Variants in ANKIB1 observed in about 807,000 individuals in gnomAD.
The protein encoded by ANKIB1 is ankyrin repeat and IBR domain-containing protein 1.
In ANKIB1, 43 loss-of-function variants were observed where a neutral mutation model predicts 122.1. The ratio of observed to expected loss-of-function variants is 0.35; its 90% CI spans 0.28 to 0.45. ANKIB1 has a LOEUF of 0.45. Among genes scored for constraint, ANKIB1 ranks in the 20% least tolerant of loss-of-function variants. The pLI is 1.00. For synonymous variants in ANKIB1, 390 were observed against 442.0 expected (o/e 0.88, Z 1.48); for missense variants, 992 against 1,329.5 (o/e 0.75, Z 3.95).
intron 11 of ANKIB1, among the ~76,000 whole-genome samples, chr7:92,377,906 C>A (rs914442540): frequency 6.6e-6 from 1 of 151,586 alleles, no homozygotes; most frequent in Admixed American, 6.6e-5. Flanking sequence ...CTTTAAGGGG[C>A]CGGTAATTCT....
At position 92,397,759 on chromosome 7, in the gene ANKIB1, G is replaced by A. The variant is rs1414222494; in HGVS notation, c.2432G>A (p.Gly811Asp). ...PEGGSSSRRP[G>D]TSVVSSASMS... is the part of the protein sequence containing the mutation. ...GGCGGCAGCAGCAGCCGCAGGCCTGGCACATCCGTGGTAAGTTCTGCATCT... is the reference window on the plus strand; with the variant it reads ...GGCGGCAGCAGCAGCCGCAGGCCTGACACATCCGTGGTAAGTTCTGCATCT... Residue 811 changes from glycine to aspartate, a missense_variant, in exon 19 of 20, where the codon GGC becomes GAC. By Grantham distance (94) the Gly-to-Asp change is moderately conservative (BLOSUM62 -1). Coordinates refer to ENST00000265742, the MANE Select transcript of ANKIB1 (RefSeq NM_019004.2). 2 of 1,611,574 alleles carry A rather than the reference G, an allele frequency of 1.2e-6. No homozygotes were observed. The highest frequency in any genetic ancestry group is 1.7e-5 in the Admixed American group (1 of 59,560).
chr7:92,290,874 G>A (rs570186129), intron 1 of ANKIB1, among the ~76,000 whole-genome samples: 4 of 152,240 alleles, frequency 2.6e-5, no homozygotes, highest in African/African-American at 2.4e-5. Context: ...GGCTGGGAAG[G>A]GTTGTTGTGG....
At chr7:92,275,076 T>A (rs1172389690) in intron 1 of ANKIB1, among the ~76,000 whole-genome samples, 1 of 152,258 alleles carries the variant, frequency 6.6e-6, no homozygotes, top group Admixed American at 6.5e-5. Context: ...AGGTTTGACC[T>A]TTGCTTACTC....
At chr7:92,365,085 T>C (rs2115614886) in intron 10 of ANKIB1, among the ~76,000 whole-genome samples, 1 of 152,350 alleles carries the variant, frequency 6.6e-6, no homozygotes, top group African/African-American at 2.4e-5. Context: ...TTATCTTCAT[T>C]ATTTAATTAA....
intron 3 of ANKIB1, among the ~76,000 whole-genome samples, chr7:92,312,102 A>G (rs993695119): frequency 1.3e-5 from 2 of 152,042 alleles, no homozygotes; most frequent in Non-Finnish European, 2.9e-5. Flanking sequence ...TCAAACTCAT[A>G]CTACCCATGG....
At chr7:92,276,862 T>G (rs1245551836) in intron 1 of ANKIB1, among the ~76,000 whole-genome samples, 2 of 152,208 alleles carry the variant, frequency 1.3e-5, no homozygotes, top group African/African-American at 4.8e-5. Context: ...TTTGGATCTG[T>G]GTCTCTACCA....
intron 1 of ANKIB1, among the ~76,000 whole-genome samples, chr7:92,256,412 T>C (rs1454070347): frequency 6.6e-6 from 1 of 152,224 alleles, no homozygotes; most frequent in Non-Finnish European, 1.5e-5. Context: ...TTAAGGAGTT[T>C]ATCTAATACA....
In ANKIB1 at chr7:92,387,856, G is replaced by C. The variant is rs765634664; in HGVS notation, c.1811G>C (p.Arg604Thr). 1 of 1,612,686 alleles carries C rather than the reference G, an allele frequency of 6.2e-7. No homozygotes were observed. The highest frequency in any genetic ancestry group is 8.5e-7 in the Non-Finnish European group (1 of 1,179,440). The change falls in exon 13 of 20, where the codon AGA becomes ACA. Residue 604 changes from arginine to threonine, a missense_variant. Arg to Thr is a moderately conservative substitution (Grantham distance 71, BLOSUM62 -1). Around this residue, in one of 4 missense-constraint regions of ANKIB1, gnomAD observed 521 missense variants for 777.7 expected, o/e 0.67. Transcript: ENST00000265742. ...GACAGATTTATGCACTATTATACAA[G>C]ATTTAAAAACCATGAGCATAGTTAT... is the stretch of plus-strand genomic sequence containing the variant. ...ELDRFMHYYT[R>T]FKNHEHSYQL...
chr7:92,247,388 T>C (rs1262200534), intron 1 of ANKIB1, among the ~76,000 whole-genome samples: 2 of 152,258 alleles, frequency 1.3e-5, no homozygotes, highest in Non-Finnish European at 2.9e-5. Context: ...TACAAGCTTT[T>C]GCTTTGTTGC....
At chr7:92,341,168 G>A (rs1803430485) in intron 5 of ANKIB1, among the ~76,000 whole-genome samples, 1 of 152,076 alleles carries the variant, frequency 6.6e-6, no homozygotes, top group Admixed American at 6.6e-5. Flanking sequence ...AACTTAGCCT[G>A]GAGTGGTGGC....
chr7:92,247,720 T>A (rs1801197703), intron 1 of ANKIB1, among the ~76,000 whole-genome samples: 1 of 152,220 alleles, frequency 6.6e-6, no homozygotes, highest in Non-Finnish European at 1.5e-5. Flanking sequence ...TTGCTACTTT[T>A]CAGAGCACCA....
chr7:92,381,579 C>CATTA lies in ANKIB1; in HGVS notation c.1618-4930_1618-4929insATTA, dbSNP rs1804516443. ...CCTACAAGCCAGAAGAGAGTGGGGG[C>CATTA]TAATATTCAACATTCTTAAAGAAAA... On this transcript the variant is annotated intron_variant, in intron 11 of 19. Coordinates refer to ENST00000265742, the MANE Select transcript of ANKIB1 (RefSeq NM_019004.2). 4.6e-5 allele frequency among the ~76,000 whole-genome samples: 7 copies of CATTA among 152,270 alleles called. No homozygotes were observed. In the South Asian group the frequency reaches 1.5e-3, roughly 32 times the overall value.
intron 1 of ANKIB1, among the ~76,000 whole-genome samples, chr7:92,263,949 T>TA (rs567416421): frequency 6.6e-6 from 1 of 152,190 alleles, no homozygotes; most frequent in South Asian, 2.1e-4. Context: ...TAAAGAGGTA[T>TA]AAAACCATTG....
At chr7:92,344,874 A>G in intron 6 of ANKIB1, 104 bp from the exon 7 acceptor site, 1 of 853,304 alleles carries the variant, frequency 1.2e-6, no homozygotes, top group East Asian at 2.8e-5. Flanking sequence ...AAAAACTTTT[A>G]ATTACTGTAC....
chr7:92,344,614 G>A (rs972798280), intron 6 of ANKIB1, among the ~76,000 whole-genome samples: 5 of 152,158 alleles, frequency 3.3e-5, no homozygotes, highest in Non-Finnish European at 7.4e-5. Flanking sequence ...AAGGGTAGGT[G>A]TAATGTGAAG....
At position 92,253,422 on chromosome 7, in the gene ANKIB1, G is replaced by A. The variant is rs1415524181; in HGVS notation, c.-91+6903G>A. 2.0e-5 allele frequency among the ~76,000 whole-genome samples: 3 copies of A among 152,126 alleles called. No individual in the cohort carries two copies. The East Asian group carries it at 5.8e-4, about 29-fold the overall frequency. The stretch of plus-strand genomic sequence containing the variant: ...AACCCTTCACTGGGCCTATGACTCT[G>A]TGCAACTCTCTGTTTCCACACAACA... On this transcript the variant is annotated intron_variant, in intron 1 of 19. Transcript: ENST00000265742.
At chr7:92,280,786 C>T (rs987890772) in intron 1 of ANKIB1, among the ~76,000 whole-genome samples, 1 of 152,200 alleles carries the variant, frequency 6.6e-6, no homozygotes, top group Admixed American at 6.5e-5. Context: ...CAAAAAGCAG[C>T]TTACCTACTG....
chr7:92,368,536 G>A (rs1254060098), intron 10 of ANKIB1, among the ~76,000 whole-genome samples: 2 of 151,936 alleles, frequency 1.3e-5, no homozygotes, highest in Non-Finnish European at 2.9e-5. Context: ...AGTCAACATG[G>A]TGAAACCCCG....
rs937714154 is a variant in ANKIB1, at chr7:92,367,371, A to G, written c.1487-4106A>G. Among the ~76,000 whole-genome samples, 4 of 152,352 alleles carry G rather than the reference A, an allele frequency of 2.6e-5. 1 individual carries two copies. In the South Asian group the frequency reaches 6.2e-4, roughly 24 times the overall value. On this transcript the variant is annotated intron_variant, in intron 10 of 19. Transcript: ENST00000265742. ...TTTAGGGCGAGGATTAAAGTGAACA[A>G]TAATTGGCCAACTATAATACTAAAG...
Sources: allele counts gnomAD v4.1 joint callset (sites outside exome capture counted in the v4.1 genomes callset), GRCh38; gene constraint gnomAD v4.1.1; regional missense constraint gnomAD v4.1.1; transcripts MANE v1.5; gene names NCBI Gene and HGNC (gene_info 2026-07-23, HGNC 2026-07-21).